ING5: variants seen among roughly 807,000 people sequenced by gnomAD.
The protein encoded by ING5 is inhibitor of growth protein 5.
ING5 carries 17 observed loss-of-function variants against 37.4 expected under a neutral mutation model. That is an observed-to-expected ratio of 0.45 (90% CI 0.31 to 0.68). ING5 has a LOEUF of 0.68. Among genes scored for constraint, ING5 ranks in the 30% least tolerant of loss-of-function variants. The probability of loss-of-function intolerance (pLI) is 0.05; values close to 1 mark genes in which losing one functional copy is unlikely to be tolerated. For synonymous variants in ING5, 123 were observed against 116.6 expected (o/e 1.06, Z -0.36); for missense variants, 233 against 311.9 (o/e 0.75, Z 1.91).
At chr2:241,697,567 TGAAA>T (rs1013629207), upstream of ING5, among the ~76,000 whole-genome samples, 41 of 151,870 alleles carry the variant, frequency 2.7e-4, no homozygotes, top group African/African-American at 8.9e-4. Flanking sequence ...TATTGCTGAG[TGAAA>T]GAAGCCATTC....
intron 1 of ING5, 85 bp from the exon 2 acceptor site, chr2:241,704,568 C>CA (rs548203574): frequency 0.011 from 10,413 of 953,310 alleles, 3 homozygotes; most frequent in Non-Finnish European, 0.013. Context: ...AACTCCATCT[C>CA]AAAAAAAAAA....
chr2:241,687,149 G>C (rs1475193501), exon 1 of ING5: 1 of 390,914 alleles, frequency 2.6e-6, no homozygotes, highest in Non-Finnish European at 4.5e-6. Flanking sequence ...AGGGTCGGAG[G>C]GGCTCCCGGA....
intron 1 of ING5, 117 bp downstream of exon 1, chr2:241,702,219 G>C (rs1480325501): frequency 2.8e-6 from 1 of 359,612 alleles, no homozygotes; most frequent in East Asian, 1.6e-4. Context: ...CGGCGGGCGC[G>C]GCCGGGCGCG....
intron 5 of ING5, chr2:241,721,934 G>A (rs943683905): frequency 4.1e-6 from 4 of 985,744 alleles, no homozygotes; most frequent in Admixed American, 6.1e-5. Context: ...AGGCTGCTGT[G>A]TAGAAACCCA....
intron 1 of ING5, among the ~76,000 whole-genome samples, chr2:241,703,348 A>G (rs2069802482): frequency 6.6e-6 from 1 of 152,146 alleles, no homozygotes; most frequent in South Asian, 2.1e-4. Context: ...GAGGGTGGCC[A>G]AGACTGGAGG....
In ING5 at chr2:241,702,076, C is replaced by T; in HGVS notation, c.11C>T (p.Ala4Val). The T allele has an allele frequency of 2.9e-6, 4 of 1,390,656 alleles. No individual in the cohort carries two copies. Among genetic ancestry groups the T allele is most frequent in the Non-Finnish European group, 3.7e-6 (4 of 1,066,888 alleles). 86.1% of individuals were successfully genotyped at this position (1,390,656 alleles called of 1,614,324 possible). A position where few individuals can be genotyped will look rare whatever the true frequency, so the allele number is the denominator to read the frequency against. MAT[A>V]MYLEHYLDSI... The stretch of plus-strand genomic sequence containing the variant: ...CGGCCGCGGACGAAGATGGCGACCG[C>T]CATGTACTTGGAGCACTATCTGGAC... The change falls in exon 1 of 8, where the codon GCC (alanine) becomes GTC (valine). Residue 4 changes from alanine (A) to valine (V), a missense_variant. Physicochemically the swap from Ala to Val is moderately conservative, Grantham distance 64 (BLOSUM62 0). This residue lies in a region of ING5 where 93 missense variants were observed against 99.7 expected (regional missense o/e 0.93). Transcript: ENST00000313552.
intron 2 of ING5, among the ~76,000 whole-genome samples, chr2:241,706,042 T>G (rs2069900615): frequency 6.6e-6 from 1 of 152,136 alleles, no homozygotes; most frequent in South Asian, 2.1e-4. Context: ...TTTTCTGCAT[T>G]CGACCCTTGT....
rs961511465 is a variant in ING5 at position 241,709,921 on chromosome 2, TTTTATTTTATTTA to T, written c.276+560_276+572del. Among the ~76,000 whole-genome samples the T allele has an allele frequency of 2.2e-4, 33 of 151,908 alleles. 1 individual carries two copies. The South Asian group carries it at 3.1e-3, about 14-fold the overall frequency. On this transcript the variant is annotated intron_variant, in intron 3 of 7. Transcript: ENST00000313552. ...CGTGCCCGACCTCCAGGTGGCCATA[TTTTATTTTATTTA>T]TTTATTTTATTTATTTATTTATTTT...
rs1691616116 is a variant in ING5, at chr2:241,726,217, C to T, written c.*1186C>T. ...GGAATGCAGGGACGCCTGTTTCTGTCCTCACACCACAGAAAGAAACCTGAG... is the reference window on the plus strand; with the variant it reads ...GGAATGCAGGGACGCCTGTTTCTGTTCTCACACCACAGAAAGAAACCTGAG... On this transcript the variant is annotated 3_prime_UTR_variant, in exon 8 of 8. Transcript: ENST00000313552. 6.6e-6 allele frequency: 1 copy of T among 152,170 alleles called. No homozygotes were observed. The highest frequency in any genetic ancestry group is 1.5e-5 in the Non-Finnish European group (1 of 68,040). The allele number at this position is 152,170 out of a possible 1,614,324, so 9.4% of individuals were successfully genotyped here. A position where few individuals can be genotyped will look rare whatever the true frequency, so the allele number is the denominator to read the frequency against.
In ING5 at chr2:241,709,329, T is replaced by C; in HGVS notation, c.223T>C (p.Cys75Arg). 1.2e-6 allele frequency: 2 copies of C among 1,613,968 alleles called. No homozygotes were observed. Among genetic ancestry groups the C allele is most frequent in the Non-Finnish European group, 1.7e-6 (2 of 1,180,000 alleles). The change falls in exon 3 of 8, where the codon TGC becomes CGC. Residue 75 changes from cysteine to arginine, a missense_variant. By Grantham distance (180) the Cys-to-Arg change is radical. Transcript: ENST00000313552. ...LQKIQNAYSKCKEYSDDKVQL... is the reference protein window; with the variant it reads ...LQKIQNAYSKRKEYSDDKVQL... ...GAAGATCCAGAACGCCTACAGCAAG[T>C]GCAAGGAATACAGTGACGACAAAGT...
intron 5 of ING5, among the ~76,000 whole-genome samples, chr2:241,717,793 G>A (rs1167785424): frequency 1.3e-5 from 2 of 151,442 alleles, no homozygotes; most frequent in African/African-American, 4.9e-5. Context: ...TATATTTTGC[G>A]TGGAACTTGT....
At chr2:241,724,732 A>C in intron 7 of ING5, 1 of 547,940 alleles carries the variant, frequency 1.8e-6, no homozygotes, top group East Asian at 3.0e-5. Flanking sequence ...CCTGTTAAGG[A>C]GGAACGCCTG....
intron 2 of ING5, among the ~76,000 whole-genome samples, chr2:241,706,306 T>C (rs1351107220): frequency 1.3e-5 from 2 of 151,994 alleles, no homozygotes; most frequent in African/African-American, 2.4e-5. Flanking sequence ...TTTCCTTTGG[T>C]AGGTTCCTGA....
At chr2:241,705,899 T>C (rs1259011480) in intron 2 of ING5, among the ~76,000 whole-genome samples, 1 of 152,176 alleles carries the variant, frequency 6.6e-6, no homozygotes, top group Non-Finnish European at 1.5e-5. Flanking sequence ...GTGAGACCAG[T>C]GATGGGACTT....
At chr2:241,697,809 G>A (rs999554173), upstream of ING5, among the ~76,000 whole-genome samples, 2 of 152,162 alleles carry the variant, frequency 1.3e-5, no homozygotes, top group Admixed American at 6.6e-5. Flanking sequence ...GGCACTGGGC[G>A]TGGTGGCTCA....
chr2:241,720,772 A>T, intron 5 of ING5: 1 of 985,478 alleles, frequency 1.0e-6, no homozygotes. Flanking sequence ...GCAGCCGCTG[A>T]CAGTTGGGGT....
intron 2 of ING5, among the ~76,000 whole-genome samples, chr2:241,690,948 C>T (rs2069543399): frequency 2.0e-5 from 3 of 150,848 alleles, no homozygotes; most frequent in Non-Finnish European, 4.4e-5. Context: ...CTGGGATTTA[C>T]AGGCGCCCGC....
intron 5 of ING5, among the ~76,000 whole-genome samples, chr2:241,715,057 C>T (rs1302088942): frequency 6.6e-6 from 1 of 152,106 alleles, no homozygotes; most frequent in Non-Finnish European, 1.5e-5. Context: ...AAGTAGCTTG[C>T]ATAATTGATT....
upstream of ING5, among the ~76,000 whole-genome samples, chr2:241,698,538 T>TGG: frequency 7.2e-6 from 1 of 139,226 alleles, no homozygotes; most frequent in South Asian, 2.3e-4. Context: ...TGTGTGTGTG[T>TGG]GGAGGAGTAT....
Sources: gnomAD v4.1 joint callset for allele counts (sites outside exome capture counted in the v4.1 genomes callset) on GRCh38, gnomAD v4.1.1 for gene constraint, gnomAD v4.1.1 regional missense constraint, MANE v1.5 for transcripts, NCBI Gene and HGNC (gene_info 2026-07-23, HGNC 2026-07-21) for gene names.